The following PLCXD3 variants were observed in gnomAD, a reference collection of about 807,000 sequenced individuals.
PLCXD3 encodes PI-PLC X domain-containing protein 3.
A neutral mutation model predicts 25.5 loss-of-function variants in PLCXD3; 19 were observed. That is an observed-to-expected ratio of 0.75 (90% CI 0.52 to 1.09). PLCXD3 has a LOEUF of 1.09. Among genes scored for constraint, PLCXD3 ranks in the 50% least tolerant of loss-of-function variants. PLCXD3 has a pLI of 0.00. For synonymous variants in PLCXD3, 174 were observed against 137.6 expected (o/e 1.26, Z -1.85); for missense variants, 411 against 388.1 (o/e 1.06, Z -0.50).
At chr5:41,332,574 C>G (rs1170121142) in intron 2 of PLCXD3, among the ~76,000 whole-genome samples, 1 of 152,096 alleles carries the variant, frequency 6.6e-6, no homozygotes, top group African/African-American at 2.4e-5. Context: ...TACCATTTGA[C>G]CCAGCCATCC....
chr5:41,499,736 A>G (rs1247178488), intron 1 of PLCXD3, among the ~76,000 whole-genome samples: 4 of 151,874 alleles, frequency 2.6e-5, no homozygotes, highest in African/African-American at 9.7e-5. Flanking sequence ...CTGATATGAA[A>G]ACATACTACA....
rs1238331016 is a variant in PLCXD3 at position 41,308,722 on chromosome 5, G to A, written c.*4895C>T. On this transcript the variant is annotated 3_prime_UTR_variant, in exon 3 of 3. Transcript: ENST00000377801. ...GAAGATTGAATTTTAAAAAGTAATG[G>A]TTTGGAGAAACAATTTTTCATGGAA... 2 of 152,058 alleles carry A rather than the reference G, an allele frequency of 1.3e-5. No individual in the cohort carries two copies. Among genetic ancestry groups the A allele is most frequent in the Non-Finnish European group, 2.9e-5 (2 of 67,998 alleles). The allele number at this position is 152,058 out of a possible 1,614,324, so 9.4% of individuals were successfully genotyped here.
intron 1 of PLCXD3, among the ~76,000 whole-genome samples, chr5:41,479,972 T>C (rs983405224): frequency 6.6e-6 from 1 of 152,126 alleles, no homozygotes; most frequent in Non-Finnish European, 1.5e-5. Flanking sequence ...AAGAATCTAG[T>C]AGAATTTATT....
chr5:41,501,248 T>C (rs1476443345), intron 1 of PLCXD3, among the ~76,000 whole-genome samples: 1 of 152,066 alleles, frequency 6.6e-6, no homozygotes. Context: ...AATCGAGATC[T>C]CTATTCTCAT....
At chr5:41,432,293 T>A (rs972102074) in intron 1 of PLCXD3, among the ~76,000 whole-genome samples, 1 of 152,228 alleles carries the variant, frequency 6.6e-6, no homozygotes, top group African/African-American at 2.4e-5. Flanking sequence ...CTTGTGCTAA[T>A]CGAGCTTCTT....
At chr5:41,485,826 A>G (rs1021803971) in intron 1 of PLCXD3, among the ~76,000 whole-genome samples, 20 of 152,188 alleles carry the variant, frequency 1.3e-4, no homozygotes, top group African/African-American at 4.3e-4. Context: ...TTTTTCTCAC[A>G]AACCATAGTT....
Position 41,311,220 on chromosome 5 carries a change from C to A in PLCXD3, c.*2397G>T, listed in dbSNP as rs748279838. ...CCAAAAACCAAATTTACGGGACATA[C>A]ATTTCAATAATCCTAATCATTTTAA... On this transcript the variant is annotated 3_prime_UTR_variant, in exon 3 of 3. Transcript: ENST00000377801. 6 of 151,998 alleles carry A rather than the reference C, an allele frequency of 3.9e-5. No individual in the cohort carries two copies. Among genetic ancestry groups the A allele is most frequent in the Admixed American group, 6.6e-5 (1 of 15,244 alleles). The allele number at this position is 151,998 out of a possible 1,614,324, so 9.4% of individuals were successfully genotyped here. A position where few individuals can be genotyped will look rare whatever the true frequency, so the allele number is the denominator to read the frequency against.
At chr5:41,375,222 G>A (rs1745254565) in intron 2 of PLCXD3, among the ~76,000 whole-genome samples, 1 of 152,088 alleles carries the variant, frequency 6.6e-6, no homozygotes, top group Admixed American at 6.5e-5. Flanking sequence ...CACAAAATCT[G>A]TGGCCTAGAC....
chr5:41,424,893 T>G (rs933615578), intron 1 of PLCXD3, among the ~76,000 whole-genome samples: 1 of 152,196 alleles, frequency 6.6e-6, no homozygotes, highest in African/African-American at 2.4e-5. Context: ...TTTATTGTCT[T>G]GTCAAATCAT....
intron 2 of PLCXD3, among the ~76,000 whole-genome samples, chr5:41,355,202 T>C (rs1176617415): frequency 6.6e-6 from 1 of 152,194 alleles, no homozygotes; most frequent in Non-Finnish European, 1.5e-5. Context: ...AGGTAGTCTC[T>C]TGATTATATG....
At chr5:41,408,437 A>G (rs1746415559) in intron 1 of PLCXD3, among the ~76,000 whole-genome samples, 1 of 152,196 alleles carries the variant, frequency 6.6e-6, no homozygotes, top group Admixed American at 6.5e-5. Flanking sequence ...TGACACACAT[A>G]CTTCTGCTTA....
intron 1 of PLCXD3, among the ~76,000 whole-genome samples, chr5:41,463,675 C>A (rs1331841276): frequency 6.6e-6 from 1 of 151,940 alleles, no homozygotes; most frequent in Non-Finnish European, 1.5e-5. Context: ...GTCAGAGGCT[C>A]CACATCTTCC....
At chr5:41,454,183 G>T (rs1346287943) in intron 1 of PLCXD3, among the ~76,000 whole-genome samples, 1 of 151,918 alleles carries the variant, frequency 6.6e-6, no homozygotes, top group African/African-American at 2.4e-5. Flanking sequence ...TAGGGTCTTT[G>T]CAGATATAAT....
intron 1 of PLCXD3, among the ~76,000 whole-genome samples, chr5:41,447,441 G>T (rs1334781212): frequency 2.0e-5 from 3 of 152,190 alleles, no homozygotes; most frequent in Non-Finnish European, 4.4e-5. Context: ...ATCAAATCAT[G>T]TGGGATTAAA....
chr5:41,330,272 C>A (rs184630255), intron 2 of PLCXD3, among the ~76,000 whole-genome samples: 11 of 152,012 alleles, frequency 7.2e-5, no homozygotes, highest in Non-Finnish European at 2.9e-5. Context: ...ATATCAACAC[C>A]GATCCCACAG....
Position 41,354,687 on chromosome 5 carries a change from G to A in PLCXD3, c.812+27139C>T, listed in dbSNP as rs79109281. On this transcript the variant is annotated intron_variant, in intron 2 of 2. Coordinates refer to ENST00000377801, the MANE Select transcript of PLCXD3 (RefSeq NM_001005473.3). ...AAGCCCGTGCTCCTTTGGGGATGTT[G>A]GTGTGATAACTCCTCTTTGGTTTCC... Among the ~76,000 whole-genome samples, 696 of 152,082 alleles carry A rather than the reference G, an allele frequency of 4.6e-3. 3 individuals carry two copies. The highest frequency in any genetic ancestry group is 0.016 in the African/African-American group (657 of 41,474).
chr5:41,503,697 AATATATGATATAG>A (rs1286760426), intron 1 of PLCXD3, among the ~76,000 whole-genome samples: 1 of 152,184 alleles, frequency 6.6e-6, no homozygotes, highest in East Asian at 1.9e-4. Flanking sequence ...TTCCTTCTGG[AATATATGATATAG>A]ACAATTTTTT....
chr5:41,475,662 AC>A (rs761130070), intron 1 of PLCXD3: 36 of 534,610 alleles, frequency 6.7e-5, no homozygotes, highest in South Asian at 3.5e-4. Context: ...TTCAGGCGCC[AC>A]CTGTGGCTGT....
intron 1 of PLCXD3, among the ~76,000 whole-genome samples, chr5:41,382,811 A>C (rs1001400936): frequency 6.6e-6 from 1 of 152,078 alleles, no homozygotes; most frequent in Non-Finnish European, 1.5e-5. Context: ...GTGAACCAAG[A>C]ATGTAATACA....
Sources: allele counts gnomAD v4.1 joint callset (sites outside exome capture counted in the v4.1 genomes callset), GRCh38; gene constraint gnomAD v4.1.1; transcripts MANE v1.5; gene names NCBI Gene and HGNC (gene_info 2026-07-23, HGNC 2026-07-21).